BBS5: variants seen among roughly 807,000 people sequenced by gnomAD.
The protein encoded by BBS5 is Bardet-Biedl syndrome 5.
A neutral mutation model predicts 50.2 loss-of-function variants in BBS5; 39 were observed. The observed-to-expected ratio is 0.78, with a 90% confidence interval of 0.60 to 1.01. The LOEUF is 1.01. Ranked by LOEUF, BBS5 falls within the 50% of genes least tolerant of loss-of-function variation. BBS5 has a pLI of 0.00. For missense variants in BBS5, 356 were observed against 401.5 expected (o/e 0.89, Z 0.97); for synonymous variants, 134 against 133.1 (o/e 1.01, Z -0.05).
chr2:169,479,666 G>T, intron 1 of BBS5, 54 bp downstream of exon 1: 2 of 1,597,212 alleles, frequency 1.3e-6, no homozygotes, highest in Non-Finnish European at 1.7e-6. Context: ...GCGCCGCCGT[G>T]CGCGTTAGGG....
chr2:169,506,371 TG>T lies in BBS5; in HGVS notation c.*1793del. On this transcript the variant is annotated 3_prime_UTR_variant, in exon 12 of 12. Transcript: ENST00000295240. ...TTGTGGAGTGGAGGTGGGGGGAAGG[TG>T]GGGAAAAGATTGAGAAATCGGATGG... 5.4e-6 allele frequency: 1 copy of T among 185,028 alleles called. No individual in the cohort carries two copies. Among genetic ancestry groups the T allele is most frequent in the Non-Finnish European group, 1.1e-5 (1 of 93,316 alleles). The allele number at this position is 185,028 out of a possible 1,614,324, so 11.5% of individuals were successfully genotyped here.
At chr2:169,499,227 G>C (rs1217505279) in intron 8 of BBS5, 1 of 424,250 alleles carries the variant, frequency 2.4e-6, no homozygotes, top group Non-Finnish European at 4.3e-6. Context: ...GTGTTCAGGT[G>C]AGGGCGAGGT....
chr2:169,481,812 A>G (rs957785847), intron 1 of BBS5, among the ~76,000 whole-genome samples: 6 of 152,108 alleles, frequency 3.9e-5, no homozygotes, highest in African/African-American at 9.7e-5. Flanking sequence ...TCTCCTGTGC[A>G]CAGGATAAGG....
At chr2:169,485,273 G>A (rs1683469776) in intron 2 of BBS5, among the ~76,000 whole-genome samples, 2 of 151,910 alleles carry the variant, frequency 1.3e-5, no homozygotes, top group Admixed American at 6.6e-5. Flanking sequence ...TATTATTTGG[G>A]GAATGTTTAT....
At chr2:169,497,733 A>C in intron 8 of BBS5, 44 bp downstream of exon 8, 1 of 1,302,736 alleles carries the variant, frequency 7.7e-7, no homozygotes, top group Non-Finnish European at 1.1e-6. Context: ...TTTTAAAACT[A>C]TGTGACAGTC....
At position 169,505,943 on chromosome 2, in the gene BBS5, G is replaced by C. The variant is rs1271086171; in HGVS notation, c.*1361G>C. On this transcript the variant is annotated 3_prime_UTR_variant, in exon 12 of 12. Coordinates refer to ENST00000295240, the MANE Select transcript of BBS5 (RefSeq NM_152384.3). ...CTCTGCCCCGCCAGCCACCCCGTCC[G>C]GGAGGGAGGTGGGGGGGTCAGCCCC... 8.5e-6 allele frequency: 1 copy of C among 117,324 alleles called. No homozygotes were observed. The highest frequency in any genetic ancestry group is 2.8e-5 in the African/African-American group (1 of 35,274). The allele number at this position is 117,324 out of a possible 1,614,324, so 7.3% of individuals were successfully genotyped here. A position where few individuals can be genotyped will look rare whatever the true frequency, so the allele number is the denominator to read the frequency against.
chr2:169,499,182 A>T (rs1683751975), intron 8 of BBS5: 1 of 314,856 alleles, frequency 3.2e-6, no homozygotes. Flanking sequence ...CTTATATTTG[A>T]ATACACTTCA....
At position 169,488,003 on chromosome 2, in the gene BBS5, C is replaced by T; in HGVS notation, c.275C>T (p.Thr92Ile). 1.2e-6 allele frequency: 2 copies of T among 1,613,754 alleles called. No individual in the cohort carries two copies. The highest frequency in any genetic ancestry group is 1.7e-6 in the Non-Finnish European group (2 of 1,179,830). Residue 92 changes from threonine to isoleucine, a missense_variant, in exon 5 of 12, where the codon ACT becomes ATT. By Grantham distance (89) the Thr-to-Ile change is moderately conservative (BLOSUM62 -1). Transcript: ENST00000295240. Reference sequence around the variant, plus strand: ...TCCTTACAGAAATTACGAGGCCAAACTGAAGCTCTCTATATACTAACAAAA... The same window carrying T: ...TCCTTACAGAAATTACGAGGCCAAATTGAAGCTCTCTATATACTAACAAAA... ...RTANSKLRGQTEALYILTKCN... is the reference protein window; with the variant it reads ...RTANSKLRGQIEALYILTKCN...
intron 5 of BBS5, among the ~76,000 whole-genome samples, chr2:169,488,560 C>G (rs116832153): frequency 6.6e-6 from 1 of 152,264 alleles, no homozygotes; most frequent in Admixed American, 6.5e-5. Flanking sequence ...CAACCACTCA[C>G]CTCCTGCTGG....
rs943810520 is a variant in BBS5 at position 169,505,562 on chromosome 2, C to G, written c.*980C>G. On this transcript the variant is annotated 3_prime_UTR_variant, in exon 12 of 12. Transcript: ENST00000295240. ...TCTAGGAAGTGAGGAGCTTCTCTGC[C>G]TGGCCGCCCATCGTCTGAGATGTGG... 18 of 275,238 alleles carry G rather than the reference C, an allele frequency of 6.5e-5. 1 individual carries two copies. Among genetic ancestry groups the G allele is most frequent in the Non-Finnish European group, 1.3e-4 (18 of 139,964 alleles). 17.0% of individuals were successfully genotyped at this position (275,238 alleles called of 1,614,324 possible).
At chr2:169,485,660 T>C (rs772870534) in intron 2 of BBS5, among the ~76,000 whole-genome samples, 2 of 152,180 alleles carry the variant, frequency 1.3e-5, no homozygotes, top group African/African-American at 2.4e-5. Context: ...GCTGCTGTCT[T>C]CCATTTGTTC....
intron 7 of BBS5, among the ~76,000 whole-genome samples, chr2:169,495,645 A>C (rs958859880): frequency 3.9e-5 from 6 of 152,144 alleles, no homozygotes; most frequent in African/African-American, 1.4e-4. Context: ...CCAGAGTGCC[A>C]GTGTTCTGTG....
chr2:169,503,370 TA>T (rs1683843341), intron 10 of BBS5, among the ~76,000 whole-genome samples, 192 bp downstream of exon 10: 2 of 152,124 alleles, frequency 1.3e-5, no homozygotes, highest in African/African-American at 4.8e-5. Context: ...AAATCAGAAA[TA>T]CTTTGAGGCC....
At chr2:169,480,164 C>T (rs557152412) in intron 1 of BBS5, among the ~76,000 whole-genome samples, 4 of 152,202 alleles carry the variant, frequency 2.6e-5, no homozygotes, top group Non-Finnish European at 4.4e-5. Flanking sequence ...CCTTGGTAAG[C>T]TTTCATCTAG....
At chr2:169,499,211 G>T (rs1274104924) in intron 8 of BBS5, 4 of 385,302 alleles carry the variant, frequency 1.0e-5, no homozygotes, top group Non-Finnish European at 1.9e-5. Flanking sequence ...CTGCGTTGGG[G>T]GAATGGTGTT....
rs772676402 is a variant in BBS5, at chr2:169,492,860, G to T, written c.387-14G>T. ...TTTCAGTTTGAGTTGTCTTTTGTTT[G>T]TTCTTTTTCATAGAGCTTATGAAAC... is the stretch of plus-strand genomic sequence containing the variant. On this transcript the variant is annotated splice_polypyrimidine_tract_variant and intron_variant, in intron 5 of 11. Coordinates refer to ENST00000295240, the MANE Select transcript of BBS5 (RefSeq NM_152384.3). The T allele has an allele frequency of 6.2e-7, 1 of 1,606,688 alleles. No individual in the cohort carries two copies. Among genetic ancestry groups the T allele is most frequent in the Non-Finnish European group, 8.5e-7 (1 of 1,175,928 alleles).
intron 7 of BBS5, among the ~76,000 whole-genome samples, chr2:169,495,951 A>G (rs941621951): frequency 2.0e-5 from 3 of 152,202 alleles, no homozygotes; most frequent in African/African-American, 2.4e-5. Flanking sequence ...TCAGTGTTCT[A>G]TGATTCTTAA....
In BBS5 at chr2:169,482,334, G is replaced by GTGAGTATA. The variant is rs1476627714; in HGVS notation, c.142+3_142+10dup. ...ACCAAAGGAAATAATGGAGATAGAG[G>GTGAGTATA]TGAGTATATTTTTAAATGTATCTTA... On this transcript the variant is annotated splice_donor_variant, in intron 2 of 11. Transcript: ENST00000295240. LOFTEE classifies it high-confidence loss of function. 5.8e-6 allele frequency: 9 copies of GTGAGTATA among 1,544,448 alleles called. No homozygotes were observed. Among genetic ancestry groups the GTGAGTATA allele is most frequent in the Non-Finnish European group, 8.1e-6 (9 of 1,116,872 alleles).
Position 169,499,497 on chromosome 2 carries a change from T to C in BBS5, c.693T>C (p.Tyr231=), listed in dbSNP as rs150178711. The C allele has an allele frequency of 3.1e-6, 5 of 1,613,444 alleles. No homozygotes were observed. The African/African-American group carries it at 6.7e-5, about 22-fold the overall frequency. The change falls in exon 9 of 12, where the codon TAT becomes TAC. Residue 231 remains tyrosine (Y), a synonymous_variant. Transcript: ENST00000295240. ...TTTTTCTCTTGTAGAGTGGTGGATA[T>C]GTTCTTGGCTTTAAAATAGATCCTG... ...VIESSQQSGG[Y]VLGFKIDPVE...
Sources: allele counts gnomAD v4.1 joint callset (sites outside exome capture counted in the v4.1 genomes callset), GRCh38; gene constraint gnomAD v4.1.1; transcripts MANE v1.5; gene names NCBI Gene and HGNC (gene_info 2026-07-23, HGNC 2026-07-21).